The following USP12 variants were observed in gnomAD, a reference collection of about 807,000 sequenced individuals.
USP12 encodes ubiquitin specific peptidase 12.
Under a neutral mutation model 45.5 loss-of-function variants are expected in USP12, and 19 were observed. The observed-to-expected ratio is 0.42, with a 90% CI of 0.29 to 0.61. USP12 has a LOEUF of 0.61. Ranked by LOEUF, USP12 falls within the 20% of genes least tolerant of loss-of-function variation. USP12 has a pLI of 0.22. For synonymous variants in USP12, 149 were observed against 148.8 expected (o/e 1.00, Z -0.01); for missense variants, 242 against 447.7 (o/e 0.54, Z 4.15).
intron 2 of USP12, among the ~76,000 whole-genome samples, chr13:27,114,445 C>T (rs1875615153): frequency 6.6e-6 from 1 of 152,194 alleles, no homozygotes; most frequent in Admixed American, 6.5e-5. Context: ...AAGAAAGCTT[C>T]CAAAGGCTCC....
chr13:27,069,494 TG>T (rs2137748910), intron 8 of USP12, 110 bp from the exon 9 acceptor site: 1 of 832,988 alleles, frequency 1.2e-6, no homozygotes, highest in African/African-American at 1.7e-5. Flanking sequence ...GTGGGGAAAA[TG>T]GAACTCTCAC....
chr13:27,161,215 T>C (rs898519534), intron 1 of USP12, among the ~76,000 whole-genome samples: 2 of 152,062 alleles, frequency 1.3e-5, no homozygotes, highest in Non-Finnish European at 2.9e-5. Context: ...CAAAGAAAAA[T>C]TGTGAAACAA....
chr13:27,152,717 T>C (rs566752353), intron 1 of USP12, among the ~76,000 whole-genome samples: 19 of 148,772 alleles, frequency 1.3e-4, no homozygotes, highest in African/African-American at 4.0e-4. Flanking sequence ...CCGAGGCGGG[T>C]GGATCACGAG....
In USP12 at chr13:27,166,246, G is replaced by C. The variant is rs534514282; in HGVS notation, c.48+5346C>G. Among the ~76,000 whole-genome samples the C allele has an allele frequency of 5.9e-5, 9 of 152,224 alleles. No individual in the cohort carries two copies. The East Asian group carries it at 1.5e-3, about 26-fold the overall frequency. The stretch of plus-strand genomic sequence containing the variant: ...TACCATATTAAGTTTCTGGAATAGA[G>C]CTGCTAAAAGAGAAACCAAAACAAA... On this transcript the variant is annotated intron_variant, in intron 1 of 8. Transcript: ENST00000282344.
intron 8 of USP12, 39 bp downstream of exon 8, chr13:27,071,032 A>G (rs141662350): frequency 6.5e-7 from 1 of 1,549,362 alleles, no homozygotes; most frequent in African/African-American, 1.4e-5. Flanking sequence ...CAACATATGC[A>G]TACAACTTTC....
At chr13:27,076,143 G>T (rs1873477974) in intron 6 of USP12, among the ~76,000 whole-genome samples, 1 of 151,914 alleles carries the variant, frequency 6.6e-6, no homozygotes, top group African/African-American at 2.4e-5. Context: ...TATGATGCAG[G>T]TACAGACTGA....
At chr13:27,106,051 C>T (rs1875120915) in intron 2 of USP12, 107 bp from the exon 3 acceptor site, 2 of 902,608 alleles carry the variant, frequency 2.2e-6, no homozygotes. Flanking sequence ...TCGGTTACTA[C>T]TGTTACTATA....
At chr13:27,169,737 A>G (rs1199223708) in intron 1 of USP12, among the ~76,000 whole-genome samples, 1 of 152,204 alleles carries the variant, frequency 6.6e-6, no homozygotes, top group East Asian at 1.9e-4. Flanking sequence ...ATCTGATTAC[A>G]GCATACATTT....
In USP12 at chr13:27,105,909, T is replaced by C; in HGVS notation, c.165A>G (p.Gln55=). The C allele has an allele frequency of 6.2e-7, 1 of 1,613,652 alleles. No individual in the cohort carries two copies. The highest frequency in any genetic ancestry group is 1.3e-5 in the African/African-American group (1 of 75,012). ...GNTCYCNSVL[Q]ALYFCRPFRE... is the part of the protein sequence containing the mutation. ...GAAATGGACGACAAAAATAAAGTGC[T>C]TGAAGAACTGAATTGCAGTAGCAGG... is the stretch of plus-strand genomic sequence containing the variant. The change falls in exon 3 of 9, where the codon CAA becomes CAG. Residue 55 remains glutamine (Q), a synonymous_variant. Transcript: ENST00000282344.
intron 1 of USP12, among the ~76,000 whole-genome samples, chr13:27,158,375 C>A (rs1877938113): frequency 6.6e-6 from 1 of 152,242 alleles, no homozygotes; most frequent in African/African-American, 2.4e-5. Flanking sequence ...TGATTCTGGA[C>A]TTCTAGCCTA....
chr13:27,128,109 G>A (rs1876326283), intron 1 of USP12, among the ~76,000 whole-genome samples: 4 of 152,144 alleles, frequency 2.6e-5, no homozygotes, highest in South Asian at 4.1e-4. Flanking sequence ...AAGAAGATTC[G>A]GATTTACCTT....
chr13:27,117,713 G>A, intron 1 of USP12: 1 of 518,438 alleles, frequency 1.9e-6, no homozygotes, highest in Non-Finnish European at 3.9e-6. Flanking sequence ...GATGGACCAT[G>A]GAATTGGGAA....
At position 27,070,145 on chromosome 13, in the gene USP12, C is replaced by G. The variant is rs78451070; in HGVS notation, c.1012-761G>C. On this transcript the variant is annotated intron_variant, in intron 8 of 8. Coordinates refer to ENST00000282344, the MANE Select transcript of USP12 (RefSeq NM_182488.4). The stretch of plus-strand genomic sequence containing the variant: ...AGCAGTGAAAAAGAACTACTATTAC[C>G]GCAGGCAACAAGAATGCATCTCACA... Among the ~76,000 whole-genome samples, 178 of 152,164 alleles carry G rather than the reference C, an allele frequency of 1.2e-3. 1 individual carries two copies. The highest frequency in any genetic ancestry group is 4.0e-3 in the African/African-American group (168 of 41,498).
chr13:27,139,408 G>A (rs1057179934), intron 1 of USP12, among the ~76,000 whole-genome samples: 1 of 152,160 alleles, frequency 6.6e-6, no homozygotes, highest in Admixed American at 6.5e-5. Context: ...CTGAGGTCAG[G>A]AGTTTGAGAC....
At chr13:27,112,886 C>G (rs1875523827) in intron 2 of USP12, among the ~76,000 whole-genome samples, 1 of 152,198 alleles carries the variant, frequency 6.6e-6, no homozygotes, top group Non-Finnish European at 1.5e-5. Context: ...ATCTTACACA[C>G]TTCATTTGGA....
intron 1 of USP12, among the ~76,000 whole-genome samples, chr13:27,156,155 T>G (rs1385590913): frequency 2.0e-5 from 3 of 150,978 alleles, no homozygotes; most frequent in Non-Finnish European, 4.4e-5. Context: ...GACATTCCAC[T>G]GCAAACCAGA....
rs1293130232 is a variant in USP12, at chr13:27,083,707, C to A, written c.734+6176G>T. Among the ~76,000 whole-genome samples, 4 of 152,002 alleles carry A rather than the reference C, an allele frequency of 2.6e-5. No homozygotes were observed. The South Asian group carries it at 8.3e-4, about 32-fold the overall frequency. On this transcript the variant is annotated intron_variant, in intron 6 of 8. Transcript: ENST00000282344. ...TTCTGGAAAAAGCTGGATAAAGTTT[C>A]CTTTATTTTGTGAGTCTTCAGGAGC... is the stretch of plus-strand genomic sequence containing the variant.
At chr13:27,102,851 A>C (rs1251958326) in intron 3 of USP12, among the ~76,000 whole-genome samples, 1 of 152,186 alleles carries the variant, frequency 6.6e-6, no homozygotes, top group Admixed American at 6.5e-5. Context: ...AGTGTCTGGC[A>C]CACAACAGGA....
chr13:27,104,397 T>C (rs964819440), intron 3 of USP12, among the ~76,000 whole-genome samples: 3 of 152,066 alleles, frequency 2.0e-5, no homozygotes, highest in Non-Finnish European at 1.5e-5. Context: ...ACCAAATACA[T>C]AAATTTTCCA....
Sources: gnomAD v4.1 joint callset for allele counts (sites outside exome capture counted in the v4.1 genomes callset) on GRCh38, gnomAD v4.1.1 for gene constraint, MANE v1.5 for transcripts, NCBI Gene and HGNC (gene_info 2026-07-23, HGNC 2026-07-21) for gene names.